Variants in ARHGAP44 observed in about 807,000 individuals in gnomAD.
ARHGAP44 encodes the protein Rho GTPase activating protein 44, also known as rho GTPase-activating protein 44.
ARHGAP44 carries 43 observed loss-of-function variants against 106.8 expected under a neutral mutation model. The ratio of observed to expected loss-of-function variants is 0.40; its 90% CI spans 0.32 to 0.52. The LOEUF (loss-of-function observed/expected upper bound fraction) is 0.52, where lower values mean the gene tolerates loss of function less well. ARHGAP44 is among the 20% of genes least tolerant of loss of function. The probability of loss-of-function intolerance (pLI) is 0.48; values close to 1 mark genes in which losing one functional copy is unlikely to be tolerated. For synonymous variants in ARHGAP44, 439 were observed against 410.3 expected, an observed-to-expected ratio of 1.07 and a Z score of -0.85; for missense variants, 866 against 1,050.5, an observed-to-expected ratio of 0.82 and a Z score of 2.43.
intron 1 of ARHGAP44, among the ~76,000 whole-genome samples, chr17:12,792,141 T>G (rs979914895): frequency 2.6e-5 from 4 of 152,206 alleles, no homozygotes; most frequent in African/African-American, 9.6e-5. Context: ...ACCTTGAGGA[T>G]TTCGTTTTTA....
At chr17:12,797,091 TA>T (rs1473841002) in intron 1 of ARHGAP44, among the ~76,000 whole-genome samples, 1 of 152,212 alleles carries the variant, frequency 6.6e-6, no homozygotes, top group Admixed American at 6.5e-5. Flanking sequence ...CTAGAGGTTT[TA>T]AAAATTTTTG....
At chr17:12,974,368 G>A in intron 18 of ARHGAP44, 58 bp downstream of exon 18, 1 of 1,318,046 alleles carries the variant, frequency 7.6e-7, no homozygotes, top group South Asian at 1.9e-5. Flanking sequence ...GGGTGTCTGG[G>A]TTGGCCGCAC....
At chr17:12,941,726 CAGTA>C (rs1481663555) in intron 8 of ARHGAP44, among the ~76,000 whole-genome samples, 1 of 152,082 alleles carries the variant, frequency 6.6e-6, no homozygotes, top group African/African-American at 2.4e-5. Flanking sequence ...GTGATTTAGA[CAGTA>C]AGAAACAGGA....
At chr17:12,967,455 C>A (rs2039422997) in intron 16 of ARHGAP44, among the ~76,000 whole-genome samples, 1 of 151,890 alleles carries the variant, frequency 6.6e-6, no homozygotes, top group South Asian at 2.1e-4. Context: ...TCCCCTCCTG[C>A]CTCAATTCCT....
At chr17:12,928,484 G>A (rs2038309000) in intron 6 of ARHGAP44, among the ~76,000 whole-genome samples, 1 of 152,162 alleles carries the variant, frequency 6.6e-6, no homozygotes. Context: ...TGATGGATAT[G>A]TTAACTAGCT....
intron 4 of ARHGAP44, among the ~76,000 whole-genome samples, chr17:12,912,564 T>C (rs2037771223): frequency 6.6e-6 from 1 of 152,118 alleles, no homozygotes; most frequent in African/African-American, 2.4e-5. Flanking sequence ...TGAGTTTCTA[T>C]ACTGAAAAGG....
chr17:12,840,267 G>A (rs2035352475), intron 1 of ARHGAP44, among the ~76,000 whole-genome samples: 1 of 152,130 alleles, frequency 6.6e-6, no homozygotes, highest in South Asian at 2.1e-4. Flanking sequence ...CAGTCTGGAA[G>A]CATGTATGTG....
intron 7 of ARHGAP44, among the ~76,000 whole-genome samples, chr17:12,933,817 C>CT (rs2038466782): frequency 6.6e-6 from 1 of 150,550 alleles, no homozygotes; most frequent in Non-Finnish European, 1.5e-5. Context: ...ACCTTTCCTG[C>CT]TTTTATCTCC....
chr17:12,815,838 G>A (rs1478064262), intron 1 of ARHGAP44, among the ~76,000 whole-genome samples: 2 of 152,322 alleles, frequency 1.3e-5, no homozygotes, highest in East Asian at 3.9e-4. Flanking sequence ...AAGGAGATGA[G>A]CAGGCAGTCT....
chr17:12,885,482 A>G (rs1881444737), intron 1 of ARHGAP44, among the ~76,000 whole-genome samples: 1 of 151,578 alleles, frequency 6.6e-6, no homozygotes, highest in Non-Finnish European at 1.5e-5. Context: ...ACTCCTAGCA[A>G]TGTGTGAGAG....
chr17:12,866,752 T>G (rs2322651), intron 1 of ARHGAP44, among the ~76,000 whole-genome samples: 139,149 of 152,160 alleles, frequency 0.91, 63,778 homozygotes, highest in African/African-American at 0.93. Flanking sequence ...AGGTTTTTAG[T>G]CTTCTAGGAG....
chr17:12,923,405 G>A lies in ARHGAP44; in HGVS notation c.464+3574G>A, dbSNP rs147665893. 8.1e-3 allele frequency among the ~76,000 whole-genome samples: 1,228 copies of A among 152,200 alleles called. 24 individuals carry two copies. Among genetic ancestry groups the A allele is most frequent in the African/African-American group, 0.028 (1,150 of 41,520 alleles). On this transcript the variant is annotated intron_variant, in intron 6 of 20. Coordinates refer to ENST00000379672, the MANE Select transcript of ARHGAP44 (RefSeq NM_014859.6). Reference sequence around the variant, plus strand: ...TATTTTTAGTAATTTTAGTAGAGACGGGGTTTCGCCATGTTGGCCAGGCTG... The same window carrying A: ...TATTTTTAGTAATTTTAGTAGAGACAGGGTTTCGCCATGTTGGCCAGGCTG...
Position 12,830,723 on chromosome 17 carries a change from A to G in ARHGAP44, c.53+40832A>G, listed in dbSNP as rs560838431. On this transcript the variant is annotated intron_variant, in intron 1 of 20. Coordinates refer to ENST00000379672, the MANE Select transcript of ARHGAP44 (RefSeq NM_014859.6). ...TCTTTTTTTCCAGCAGCTAAACAAAAACCGAAGAAATATGTTATTATTTTT... is the reference window on the plus strand; with the variant it reads ...TCTTTTTTTCCAGCAGCTAAACAAAGACCGAAGAAATATGTTATTATTTTT... 3.7e-3 allele frequency among the ~76,000 whole-genome samples: 560 copies of G among 150,730 alleles called. 2 individuals carry two copies. The highest frequency in any genetic ancestry group is 7.0e-3 in the Non-Finnish European group (478 of 67,928).
intron 16 of ARHGAP44, among the ~76,000 whole-genome samples, chr17:12,962,011 A>C (rs186267314): frequency 5.2e-4 from 79 of 152,224 alleles, no homozygotes; most frequent in Admixed American, 2.6e-3. Flanking sequence ...TAAAGTCTTC[A>C]CACTGCTCAT....
chr17:12,974,216 C>A lies in ARHGAP44; in HGVS notation c.1669C>A (p.Pro557Thr), dbSNP rs1230746418. ...APPAELAAPLPSPLPEQPLDS... is the reference protein window; with the variant it reads ...APPAELAAPLTSPLPEQPLDS... ...GCCCGCCGAGCTGGCTGCGCCCCTG[C>A]CTTCGCCGCTGCCGGAGCAGCCCCT... Residue 557 changes from proline (P) to threonine (T), a missense_variant, in exon 18 of 21, where the codon CCT becomes ACT. Physicochemically the swap from Pro to Thr is conservative, Grantham distance 38. Coordinates refer to ENST00000379672, the MANE Select transcript of ARHGAP44 (RefSeq NM_014859.6). 2 of 1,546,802 alleles carry A rather than the reference C, an allele frequency of 1.3e-6. No homozygotes were observed. The highest frequency in any genetic ancestry group is 1.7e-6 in the Non-Finnish European group (2 of 1,145,758).
chr17:12,837,463 GC>G (rs1179608435), intron 1 of ARHGAP44, among the ~76,000 whole-genome samples: 2 of 152,188 alleles, frequency 1.3e-5, no homozygotes, highest in African/African-American at 2.4e-5. Flanking sequence ...TGATTGGCAT[GC>G]TGGACTCAAA....
chr17:12,862,005 C>T (rs1283036293), intron 1 of ARHGAP44, among the ~76,000 whole-genome samples: 3 of 152,162 alleles, frequency 2.0e-5, no homozygotes, highest in Non-Finnish European at 4.4e-5. Context: ...CTCTGCTTAT[C>T]TCAGTGTCTA....
intron 16 of ARHGAP44, among the ~76,000 whole-genome samples, chr17:12,967,528 A>G: frequency 6.6e-6 from 1 of 152,016 alleles, no homozygotes; most frequent in Non-Finnish European, 1.5e-5. Flanking sequence ...CATTTTTCTC[A>G]CATGGTTTCC....
intron 16 of ARHGAP44, among the ~76,000 whole-genome samples, chr17:12,972,585 T>C (rs2039553771): frequency 6.6e-6 from 1 of 150,626 alleles, no homozygotes; most frequent in Non-Finnish European, 1.5e-5. Context: ...GAGGCAGAGG[T>C]TGCAGTGAGT....
Sources: allele counts gnomAD v4.1 joint callset (sites outside exome capture counted in the v4.1 genomes callset), GRCh38; gene constraint gnomAD v4.1.1; transcripts MANE v1.5; gene names NCBI Gene and HGNC (gene_info 2026-07-23, HGNC 2026-07-21).